Variants in CCDC120 observed in about 807,000 individuals in gnomAD.
CCDC120 encodes coiled-coil domain-containing protein 120.
In CCDC120, 16 loss-of-function variants were observed where a neutral mutation model predicts 37.6. The observed-to-expected ratio is 0.43, with a 90% confidence interval of 0.29 to 0.65. The LOEUF is 0.65. CCDC120 is among the 30% of genes least tolerant of loss of function. The probability of loss-of-function intolerance (pLI) is 0.18; values close to 1 mark genes in which losing one functional copy is unlikely to be tolerated. For missense variants in CCDC120, 650 were observed against 657.4 expected (o/e 0.99, Z 0.12); for synonymous variants, 309 against 275.4 (o/e 1.12, Z -1.21).
Position 49,069,142 on chromosome X carries a change from C to T in CCDC120, c.*484C>T, listed in dbSNP as rs1172971258. On this transcript the variant is annotated 3_prime_UTR_variant, in exon 11 of 11. Transcript: ENST00000603986. ...GGTGTGAACAGAAATCCCTGCCACG[C>T]ATCGCCAGGGCAGTTGGGGCAGTGG... 2 of 32,945 alleles carry T rather than the reference C, an allele frequency of 6.1e-5. No individual in the cohort carries two copies. Among genetic ancestry groups the T allele is most frequent in the African/African-American group, 1.5e-4 (2 of 13,462 alleles). 2.7% of individuals were successfully genotyped at this position (32,945 alleles called of 1,213,427 possible). A position where few individuals can be genotyped will look rare whatever the true frequency, so the allele number is the denominator to read the frequency against.
chrX:49,055,300 A>G (rs2064823447), upstream of CCDC120, among the ~76,000 whole-genome samples: 1 of 112,149 alleles, frequency 8.9e-6, no homozygotes. Context: ...GTTGGGGGGA[A>G]GAGTTAAGAA....
chrX:49,068,830 GCTT>G lies in CCDC120; in HGVS notation c.*178_*180del, dbSNP rs1335686086. 2.1e-5 allele frequency: 8 copies of G among 388,529 alleles called. No homozygotes were observed. The highest frequency in any genetic ancestry group is 3.2e-5 in the Non-Finnish European group (8 of 252,432). 32.0% of individuals were successfully genotyped at this position (388,529 alleles called of 1,213,427 possible). A position where few individuals can be genotyped will look rare whatever the true frequency, so the allele number is the denominator to read the frequency against. On this transcript the variant is annotated 3_prime_UTR_variant, in exon 11 of 11. Transcript: ENST00000603986. The stretch of plus-strand genomic sequence containing the variant: ...GGCCCAGGAAGGTGTCTGACACCCT[GCTT>G]CTTCTCTCACACTGTGCTGGGGACT...
At chrX:49,061,499 C>G (rs782384339) in intron 1 of CCDC120, among the ~76,000 whole-genome samples, 1 of 112,643 alleles carries the variant, frequency 8.9e-6, no homozygotes, top group Admixed American at 9.4e-5. Context: ...CTGTCCTCGT[C>G]GATGTTCCAG....
In CCDC120 at chrX:49,064,387, C is replaced by T. The variant is rs1557080359; in HGVS notation, c.447C>T (p.Ala149=). The part of the protein sequence containing the change: ...LCPAEELALE[A]LEREVSVQQQ... The stretch of plus-strand genomic sequence containing the variant: ...CCCAACAGGAGCTGGCTCTTGAGGC[C>T]CTGGAACGCGAGGTGTCAGTGCAAC... The change falls in exon 6 of 11, where the codon GCC becomes GCT. Residue 149 remains alanine (A), a synonymous_variant. Coordinates refer to ENST00000603986, the MANE Select transcript of CCDC120 (RefSeq NM_001163321.4). The T allele has an allele frequency of 8.5e-7, 1 of 1,170,099 alleles. No homozygotes were observed. The highest frequency in any genetic ancestry group is 1.1e-6 in the Non-Finnish European group (1 of 874,926).
At chrX:49,055,840 G>A (rs2064826685), upstream of CCDC120, among the ~76,000 whole-genome samples, 1 of 112,176 alleles carries the variant, frequency 8.9e-6, no homozygotes, top group Admixed American at 9.5e-5. Flanking sequence ...TTTGGTACCT[G>A]AATTCTGAGA....
intron 1 of CCDC120, among the ~76,000 whole-genome samples, chrX:49,060,149 G>T (rs782397494): frequency 8.9e-6 from 1 of 111,940 alleles, no homozygotes; most frequent in South Asian, 3.7e-4. Context: ...GATTGGCTGG[G>T]TGCAGTGCCT....
upstream of CCDC120, among the ~76,000 whole-genome samples, chrX:49,058,058 C>T (rs1190945650): frequency 9.0e-6 from 1 of 111,641 alleles, no homozygotes; most frequent in Non-Finnish European, 1.9e-5. Context: ...TGTCTGCCTC[C>T]CAGCCAGGAC....
rs371703097 is a variant in CCDC120 at position 49,067,570 on chromosome X, C to G, written c.1456C>G (p.Arg486Gly). 5 of 1,173,651 alleles carry G rather than the reference C, an allele frequency of 4.3e-6. No individual in the cohort carries two copies. Among genetic ancestry groups the G allele is most frequent in the Non-Finnish European group, 5.7e-6 (5 of 874,258 alleles). The change falls in exon 10 of 11, where the codon CGG (arginine) becomes GGG (glycine). Residue 486 changes from arginine (R) to glycine (G), a missense_variant. Coordinates refer to ENST00000603986, the MANE Select transcript of CCDC120 (RefSeq NM_001163321.4). ...CTTCCTCTTGGACTATTCCTTGGAC[C>G]GGGGCCTGCCCCGCAGTGGCGGTGG... ...GDFLLDYSLD[R>G]GLPRSGGGTG...
rs868975291 is a variant in CCDC120, at chrX:49,068,449, A to T, written c.1977-95A>T. ...TGTGCCTGCCTCCACCTCTTTAACG[A>T]GCCTCTTTTCCTTTCTTTTTCTGTG... On this transcript the variant is annotated intron_variant, in intron 10 of 10. Coordinates refer to ENST00000603986, the MANE Select transcript of CCDC120 (RefSeq NM_001163321.4). The T allele has an allele frequency of 6.7e-6, 7 of 1,040,223 alleles. No homozygotes were observed. In the African/African-American group the frequency reaches 1.2e-4, roughly 18 times the overall value. The allele number at this position is 1,040,223 out of a possible 1,213,427, so 85.7% of individuals were successfully genotyped here.
At position 49,067,400 on chromosome X, in the gene CCDC120, G is replaced by A. The variant is rs2064968903; in HGVS notation, c.1286G>A (p.Ser429Asn). Residue 429 changes from serine to asparagine, a missense_variant, in exon 10 of 11, where the codon AGT becomes AAT. Around this residue, in one of 3 missense-constraint regions of CCDC120, gnomAD observed 576 missense variants for 565.3 expected, o/e 1.02. Coordinates refer to ENST00000603986, the MANE Select transcript of CCDC120 (RefSeq NM_001163321.4). The part of the protein sequence containing the change: ...SASGPPVCKS[S>N]EVLYERPQPT... ...TCTGGCCCCCCAGTCTGCAAGAGCA[G>A]TGAGGTGCTGTATGAGCGCCCCCAA... 8.4e-7 allele frequency: 1 copy of A among 1,192,966 alleles called. No homozygotes were observed. The highest frequency in any genetic ancestry group is 2.2e-5 in the Admixed American group (1 of 44,808).
At chrX:49,057,072 G>T (rs923112415), upstream of CCDC120, among the ~76,000 whole-genome samples, 2 of 111,470 alleles carry the variant, frequency 1.8e-5, no homozygotes, top group Non-Finnish European at 3.8e-5. Context: ...GTCACGTGAG[G>T]CCCAGGGCCC....
chrX:49,059,261 A>G, intron 1 of CCDC120, 166 bp downstream of exon 1: 1 of 630,497 alleles, frequency 1.6e-6, no homozygotes, highest in Non-Finnish European at 1.9e-6. Context: ...GGCAGTGAGA[A>G]TGGAGGGCCT....
At chrX:49,067,099 TG>T in intron 9 of CCDC120, 76 bp from the exon 10 acceptor site, 5 of 910,191 alleles carry the variant, frequency 5.5e-6, no homozygotes, top group Non-Finnish European at 7.8e-6. Flanking sequence ...TAGAAAGGGC[TG>T]GGGTAGGGAG....
exon 1 of CCDC120, chrX:49,053,577 C>G (rs12836824): frequency 8.8e-6 from 1 of 113,172 alleles, no homozygotes; most frequent in Admixed American, 9.2e-5. Flanking sequence ...CCCCCACCCT[C>G]TAGGCTAGGC....
At chrX:49,059,194 G>GAGCCTCCCC (rs1557078928) in intron 1 of CCDC120, 99 bp downstream of exon 1, 1 of 172,644 alleles carries the variant, frequency 5.8e-6, no homozygotes, top group Non-Finnish European at 9.1e-6. Context: ...AGAGAGCTAG[G>GAGCCTCCCC]TCTGTGGGAG....
At chrX:49,062,687 C>A in intron 4 of CCDC120, 86 bp downstream of exon 4, 1 of 970,229 alleles carries the variant, frequency 1.0e-6, no homozygotes, top group Non-Finnish European at 1.4e-6. Context: ...ACTTGGGTGG[C>A]AATTCCTCAA....
At chrX:49,063,062 C>T (rs1260715535) in intron 4 of CCDC120, among the ~76,000 whole-genome samples, 5 of 110,786 alleles carry the variant, frequency 4.5e-5, no homozygotes, top group African/African-American at 9.9e-5. Flanking sequence ...GGCGTGGTGG[C>T]GGGCACCTAT....
chrX:49,062,628 G>T lies in CCDC120; in HGVS notation c.288+27G>T, dbSNP rs200695722. On this transcript the variant is annotated intron_variant, in intron 4 of 10. Coordinates refer to ENST00000603986, the MANE Select transcript of CCDC120 (RefSeq NM_001163321.4). ...TGAGGGCCTGGCCCTAGGGGTATCA[G>T]GCGGGGAGGTTGGGAGGAGGTGAGG... The T allele has an allele frequency of 8.4e-6, 10 of 1,192,459 alleles. No homozygotes were observed. The African/African-American group carries it at 1.6e-4, about 19-fold the overall frequency.
At position 49,067,463 on chromosome X, in the gene CCDC120, C is replaced by T. The variant is rs782605460; in HGVS notation, c.1349C>T (p.Pro450Leu). The change falls in exon 10 of 11, where the codon CCA becomes CTA. Residue 450 changes from proline to leucine, a missense_variant. Coordinates refer to ENST00000603986, the MANE Select transcript of CCDC120 (RefSeq NM_001163321.4). ...TTCTCCTCCCGCACAGCAGGCCCCC[C>T]AGACCCTCCCCGGGCCGCCCGGCCT... Reference protein sequence around the residue: ...PAFSSRTAGPPDPPRAARPSS... With the variant: ...PAFSSRTAGPLDPPRAARPSS... 1 of 1,182,120 alleles carries T rather than the reference C, an allele frequency of 8.5e-7. No individual in the cohort carries two copies. The highest frequency in any genetic ancestry group is 2.3e-5 in the Admixed American group (1 of 43,853).
Sources: allele counts gnomAD v4.1 joint callset (sites outside exome capture counted in the v4.1 genomes callset), GRCh38; gene constraint gnomAD v4.1.1; regional missense constraint gnomAD v4.1.1; transcripts MANE v1.5; gene names NCBI Gene and HGNC (gene_info 2026-07-23, HGNC 2026-07-21).